TRIM2: variants seen among roughly 807,000 people sequenced by gnomAD.
TRIM2 encodes the protein tripartite motif containing 2, also known as tripartite motif-containing protein 2.
A neutral mutation model predicts 75.2 loss-of-function variants in TRIM2; 20 were observed. The observed-to-expected ratio is 0.27, with a 90% CI of 0.19 to 0.39. The LOEUF is 0.39. Ranked by LOEUF, TRIM2 falls within the 10% of genes least tolerant of loss-of-function variation. The pLI is 1.00. For synonymous variants in TRIM2, 373 were observed against 388.3 expected (o/e 0.96, Z 0.46); for missense variants, 660 against 990.8 (o/e 0.67, Z 4.48).
At chr4:153,289,522 G>C (rs1306054738) in intron 3 of TRIM2, among the ~76,000 whole-genome samples, 2 of 152,104 alleles carry the variant, frequency 1.3e-5, no homozygotes, top group African/African-American at 4.8e-5. Context: ...TTTCATACAT[G>C]ATGAACTCTG....
At chr4:153,200,743 A>G (rs922560042), upstream of TRIM2, among the ~76,000 whole-genome samples, 2 of 146,170 alleles carry the variant, frequency 1.4e-5, no homozygotes, top group Non-Finnish European at 3.0e-5. Context: ...ATATATATAT[A>G]TATATATGGC....
intron 3 of TRIM2, among the ~76,000 whole-genome samples, chr4:153,291,819 G>A (rs1761889534): frequency 6.6e-6 from 1 of 152,144 alleles, no homozygotes; most frequent in Non-Finnish European, 1.5e-5. Context: ...AAAGCCAGGT[G>A]CCATCTGAGT....
Position 153,273,442 on chromosome 4 carries a change from A to ATTTT in TRIM2, c.216-2430_216-2427dup, listed in dbSNP as rs11459214. Among the ~76,000 whole-genome samples the ATTTT allele has an allele frequency of 2.5e-3, 193 of 77,612 alleles. 8 individuals carry two copies. Among genetic ancestry groups the ATTTT allele is most frequent in the African/African-American group, 0.014 (176 of 12,940 alleles). The allele number at this position is 77,612 out of a possible 152,430, so 50.9% of individuals were successfully genotyped here. On this transcript the variant is annotated intron_variant, in intron 2 of 11. Coordinates refer to ENST00000338700, the MANE Select transcript of TRIM2 (RefSeq NM_015271.5). ...AGGCGCCCGCCACCACGCCCGGCTA[A>ATTTT]TTTTTTTTTTTTTTTTTTTTTTTTG... is the stretch of plus-strand genomic sequence containing the variant.
At chr4:153,152,251 G>A (rs1487672663), upstream of TRIM2, 1 of 152,130 alleles carries the variant, frequency 6.6e-6, no homozygotes, top group African/African-American at 2.4e-5. Flanking sequence ...GCTCTCCGGA[G>A]TTTCCCGGGA....
At chr4:153,304,711 A>G (rs1321716799) in intron 6 of TRIM2, among the ~76,000 whole-genome samples, 1 of 152,216 alleles carries the variant, frequency 6.6e-6, no homozygotes, top group Admixed American at 6.5e-5. Flanking sequence ...GGTGCCTGGT[A>G]TAATTTAAAA....
At position 153,296,042 on chromosome 4, in the gene TRIM2, G is replaced by A; in HGVS notation, c.1510+6G>A. ...CGATTTGATCTTTCGAGTGGGTAAG[G>A]AGAGGGCTTCTGTGCCCGACGCCTG... On this transcript the variant is annotated splice_donor_region_variant and intron_variant, in intron 6 of 11. Transcript: ENST00000338700. 6.6e-7 allele frequency: 1 copy of A among 1,517,728 alleles called. No homozygotes were observed. The highest frequency in any genetic ancestry group is 8.8e-7 in the Non-Finnish European group (1 of 1,134,910). The allele number at this position is 1,517,728 out of a possible 1,614,324, so 94.0% of individuals were successfully genotyped here.
intron 3 of TRIM2, among the ~76,000 whole-genome samples, chr4:153,285,817 C>A (rs1445397840): frequency 1.3e-5 from 2 of 152,052 alleles, no homozygotes; most frequent in Non-Finnish European, 2.9e-5. Flanking sequence ...ATCATGTCAT[C>A]TCTGTATAGA....
intron 1 of TRIM2, among the ~76,000 whole-genome samples, chr4:153,219,760 C>T (rs1560831312): frequency 6.6e-6 from 1 of 152,052 alleles, no homozygotes; most frequent in Non-Finnish European, 1.5e-5. Flanking sequence ...CCCAGCTACT[C>T]GGCAGGCTGA....
At chr4:153,216,441 A>T (rs1156977000) in intron 1 of TRIM2, among the ~76,000 whole-genome samples, 1 of 152,186 alleles carries the variant, frequency 6.6e-6, no homozygotes, top group Non-Finnish European at 1.5e-5. Flanking sequence ...CTTAGTCCCT[A>T]GACTCCAGTT....
At chr4:153,309,467 G>A (rs1272616122) in intron 6 of TRIM2, among the ~76,000 whole-genome samples, 1 of 152,070 alleles carries the variant, frequency 6.6e-6, no homozygotes, top group African/African-American at 2.4e-5. Flanking sequence ...AATGGGGGTT[G>A]TAATTTACTC....
At chr4:153,260,123 A>G (rs1753026923) in intron 1 of TRIM2, among the ~76,000 whole-genome samples, 1 of 152,164 alleles carries the variant, frequency 6.6e-6, no homozygotes, top group South Asian at 2.1e-4. Flanking sequence ...TTCTGTTGTG[A>G]AATAATTTTC....
intron 1 of TRIM2, among the ~76,000 whole-genome samples, chr4:153,207,002 G>GCCTCC (rs1735651352): frequency 6.6e-6 from 1 of 151,986 alleles, no homozygotes; most frequent in Non-Finnish European, 1.5e-5. Context: ...AGATCCTCCC[G>GCCTCC]CCTCAGCCTA....
chr4:153,243,729 T>A (rs1747278174), intron 1 of TRIM2, among the ~76,000 whole-genome samples: 1 of 152,090 alleles, frequency 6.6e-6, no homozygotes. Context: ...TCAGGCTAGA[T>A]AAGCAAATTC....
chr4:153,295,252 C>T lies in TRIM2; in HGVS notation c.787-61C>T. ...GTCTCCTTCTCGCCGGTGGAGGGCA[C>T]TGCCCCGGGCTAGGCCCCGCCCTGT... On this transcript the variant is annotated intron_variant, in intron 5 of 11. Transcript: ENST00000338700. This position sits in a 1 kb window ranked among gnomAD's most constrained non-coding sequence, Gnocchi z 7.2. 7 of 1,464,948 alleles carry T rather than the reference C, an allele frequency of 4.8e-6. No individual in the cohort carries two copies. The highest frequency in any genetic ancestry group is 5.2e-5 in the Admixed American group (2 of 38,454). The allele number at this position is 1,464,948 out of a possible 1,614,324, so 90.7% of individuals were successfully genotyped here.
intron 3 of TRIM2, among the ~76,000 whole-genome samples, chr4:153,280,431 G>A (rs1759058509): frequency 7.3e-6 from 1 of 136,820 alleles, no homozygotes; most frequent in Admixed American, 7.8e-5. Flanking sequence ...CAAGGCTAGA[G>A]TGCAAGTGGC....
intron 6 of TRIM2, among the ~76,000 whole-genome samples, chr4:153,303,434 C>T (rs1415923700): frequency 5.3e-5 from 8 of 150,290 alleles, no homozygotes. Context: ...GATCTTGCCA[C>T]TGTACTCCAG....
At chr4:153,195,137 G>A (rs143364688) in intron 1 of TRIM2, among the ~76,000 whole-genome samples, 2 of 152,304 alleles carry the variant, frequency 1.3e-5, no homozygotes, top group African/African-American at 4.8e-5. Flanking sequence ...GTCCTCATGA[G>A]AGATAGAAAA....
At chr4:153,171,547 T>C (rs1730850361) in intron 1 of TRIM2, among the ~76,000 whole-genome samples, 1 of 152,082 alleles carries the variant, frequency 6.6e-6, no homozygotes, top group Non-Finnish European at 1.5e-5. Context: ...GATCACATAA[T>C]TTCACTCTAG....
intron 2 of TRIM2, 65 bp downstream of exon 2, chr4:153,270,584 A>G: frequency 7.2e-7 from 1 of 1,390,736 alleles, no homozygotes; most frequent in Non-Finnish European, 9.7e-7. Flanking sequence ...CTACTGCAGG[A>G]TTCTTTCCCA....
Sources: allele counts gnomAD v4.1 joint callset (sites outside exome capture counted in the v4.1 genomes callset), GRCh38; gene constraint gnomAD v4.1.1; non-coding constraint Gnocchi (gnomAD v3.1); transcripts MANE v1.5; gene names NCBI Gene and HGNC (gene_info 2026-07-23, HGNC 2026-07-21).